TOX: variants seen among roughly 807,000 people sequenced by gnomAD.
TOX encodes the protein thymocyte selection associated high mobility group box, also known as thymocyte selection-associated high mobility group box protein TOX.
Under a neutral mutation model 53.7 loss-of-function variants are expected in TOX, and 11 were observed. That is an observed-to-expected ratio of 0.20 (90% CI 0.13 to 0.34). The LOEUF (loss-of-function observed/expected upper bound fraction) is 0.34, where lower values mean the gene tolerates loss of function less well. Ranked by LOEUF, TOX falls within the 10% of genes least tolerant of loss-of-function variation. The pLI is 1.00. For missense variants in TOX, 570 were observed against 664.6 expected, an observed-to-expected ratio of 0.86 and a Z score of 1.56; for synonymous variants, 225 against 245.3, an observed-to-expected ratio of 0.92 and a Z score of 0.77.
chr8:58,991,440 G>A (rs1176550161), intron 1 of TOX, among the ~76,000 whole-genome samples: 1 of 152,160 alleles, frequency 6.6e-6, no homozygotes, highest in Non-Finnish European at 1.5e-5. Context: ...CAGATTAATT[G>A]AAAGGGAAAC....
chr8:59,064,712 G>A (rs746173774), intron 1 of TOX, among the ~76,000 whole-genome samples: 3 of 151,478 alleles, frequency 2.0e-5, no homozygotes, highest in Non-Finnish European at 4.4e-5. Context: ...TATATTTTGG[G>A]GGCAAAATTG....
intron 3 of TOX, among the ~76,000 whole-genome samples, chr8:58,863,392 A>G (rs558398008): frequency 6.6e-6 from 1 of 152,298 alleles, no homozygotes; most frequent in South Asian, 2.1e-4. Flanking sequence ...GCACGGTACT[A>G]AGAAGTTTCC....
chr8:58,949,016 A>G (rs1413728670), intron 2 of TOX, among the ~76,000 whole-genome samples: 1 of 152,210 alleles, frequency 6.6e-6, no homozygotes, highest in Non-Finnish European at 1.5e-5. Context: ...AATGCTGAAT[A>G]CAGATCTCAG....
At chr8:58,919,074 G>T (rs1322431781) in intron 3 of TOX, among the ~76,000 whole-genome samples, 1 of 148,652 alleles carries the variant, frequency 6.7e-6, no homozygotes, top group African/African-American at 2.5e-5. Flanking sequence ...ACAAATGGAA[G>T]AACATTCCAT....
intron 3 of TOX, among the ~76,000 whole-genome samples, chr8:58,862,767 C>T (rs1367504431): frequency 1.3e-5 from 2 of 152,056 alleles, no homozygotes; most frequent in Non-Finnish European, 2.9e-5. Context: ...AGCAGTAGGT[C>T]TTTAATCCTA....
At chr8:58,832,022 C>T (rs563417086) in intron 5 of TOX, among the ~76,000 whole-genome samples, 8 of 151,414 alleles carry the variant, frequency 5.3e-5, no homozygotes, top group African/African-American at 1.5e-4. Context: ...GGTCTCTGAG[C>T]GTATGAATAT....
chr8:58,908,239 T>TAATAGCACAGA (rs1271950240), intron 3 of TOX, among the ~76,000 whole-genome samples: 1 of 152,146 alleles, frequency 6.6e-6, no homozygotes, highest in Non-Finnish European at 1.5e-5. Context: ...AACTGTACAG[T>TAATAGCACAGA]AATAGCACAG....
At position 58,806,208 on chromosome 8, in the gene TOX, T is replaced by C. The variant is rs1060263; in HGVS notation, c.*1539A>G. 0.22 allele frequency: 33,764 copies of C among 152,132 alleles called. 4,178 individuals are homozygous for C. Among genetic ancestry groups the C allele is most frequent in the African/African-American group, 0.34 (14,013 of 41,470 alleles). The allele number at this position is 152,132 out of a possible 1,614,324, so 9.4% of individuals were successfully genotyped here. A position where few individuals can be genotyped will look rare whatever the true frequency, so the allele number is the denominator to read the frequency against. ...GAATTCTGGAATGAGTAGTAGCTTGTAGAGGCACAAAAGACAGCAAGAATC... is the reference window on the plus strand; with the variant it reads ...GAATTCTGGAATGAGTAGTAGCTTGCAGAGGCACAAAAGACAGCAAGAATC... On this transcript the variant is annotated 3_prime_UTR_variant, in exon 9 of 9. Coordinates refer to ENST00000361421, the MANE Select transcript of TOX (RefSeq NM_014729.3).
chr8:58,942,520 G>A (rs1177381468), intron 2 of TOX, among the ~76,000 whole-genome samples: 1 of 152,080 alleles, frequency 6.6e-6, no homozygotes, highest in African/African-American at 2.4e-5. Context: ...CTATTACAGT[G>A]TAATTGATGC....
intron 3 of TOX, among the ~76,000 whole-genome samples, chr8:58,876,611 A>C (rs2129170492): frequency 6.6e-6 from 1 of 152,286 alleles, no homozygotes; most frequent in Non-Finnish European, 1.5e-5. Context: ...GGAGAGTCAA[A>C]GAGGACATAG....
chr8:58,811,829 C>T (rs1347195413), intron 7 of TOX, among the ~76,000 whole-genome samples: 2 of 152,132 alleles, frequency 1.3e-5, no homozygotes, highest in Admixed American at 6.6e-5. Context: ...AGCAGGTCCA[C>T]GGTTTCAGTG....
At chr8:58,919,157 T>A (rs1386704153) in intron 3 of TOX, among the ~76,000 whole-genome samples, 1 of 151,378 alleles carries the variant, frequency 6.6e-6, no homozygotes. Context: ...TTCAATGCCA[T>A]CCCCATCAAG....
chr8:59,047,759 G>A (rs995650534), intron 1 of TOX, among the ~76,000 whole-genome samples: 1 of 152,052 alleles, frequency 6.6e-6, no homozygotes, highest in Non-Finnish European at 1.5e-5. Context: ...AAAGACAGAA[G>A]GGGCTTAAAA....
chr8:59,057,242 CT>C (rs1803902748), intron 1 of TOX, among the ~76,000 whole-genome samples: 2 of 151,788 alleles, frequency 1.3e-5, no homozygotes, highest in Non-Finnish European at 2.9e-5. Context: ...GAAAAATATG[CT>C]ATAAAATTTT....
At chr8:59,094,277 T>A (rs1804673633) in intron 1 of TOX, among the ~76,000 whole-genome samples, 1 of 152,164 alleles carries the variant, frequency 6.6e-6, no homozygotes, top group South Asian at 2.1e-4. Context: ...TTATTTTATT[T>A]CTGTATGAGT....
At chr8:58,817,970 C>T (rs1810209211) in intron 6 of TOX, among the ~76,000 whole-genome samples, 1 of 151,796 alleles carries the variant, frequency 6.6e-6, no homozygotes, top group South Asian at 2.1e-4. Context: ...ATTTAATTTT[C>T]CTGAATTCTA....
chr8:59,026,241 G>A (rs1021935090), intron 1 of TOX, among the ~76,000 whole-genome samples: 6 of 151,976 alleles, frequency 3.9e-5, no homozygotes, highest in Non-Finnish European at 7.4e-5. Flanking sequence ...GACGGTCCAT[G>A]GTCCCATGTC....
chr8:59,060,018 C>T, intron 1 of TOX, among the ~76,000 whole-genome samples: 1 of 151,710 alleles, frequency 6.6e-6, no homozygotes, highest in South Asian at 2.1e-4. Flanking sequence ...AACCATAGTT[C>T]TTTTTTTTCA....
chr8:59,071,825 G>A (rs1448271783), intron 1 of TOX, among the ~76,000 whole-genome samples: 1 of 152,038 alleles, frequency 6.6e-6, no homozygotes, highest in East Asian at 1.9e-4. Flanking sequence ...TATGATTCAT[G>A]GCCAAAGAAG....
Sources: allele counts gnomAD v4.1 joint callset (sites outside exome capture counted in the v4.1 genomes callset), GRCh38; gene constraint gnomAD v4.1.1; transcripts MANE v1.5; gene names NCBI Gene and HGNC (gene_info 2026-07-23, HGNC 2026-07-21).